The following CR1 variants were observed in gnomAD, a reference collection of about 807,000 sequenced individuals.
CR1 encodes complement receptor type 1.
In CR1, 116 loss-of-function variants were observed where a neutral mutation model predicts 187.3. That is an observed-to-expected ratio of 0.62 (90% CI 0.53 to 0.72). The LOEUF is 0.72. Among genes scored for constraint, CR1 ranks in the 30% least tolerant of loss-of-function variants. CR1 has a pLI of 0.00. For missense variants in CR1, 1,731 were observed against 2,110.7 expected (o/e 0.82, Z 3.52); for synonymous variants, 576 against 747.1 (o/e 0.77, Z 3.73).
intron 46 of CR1, 45 bp downstream of exon 46, chr1:207,630,666 A>G (rs1662613563): frequency 7.5e-7 from 1 of 1,341,320 alleles, no homozygotes; most frequent in Non-Finnish European, 1.0e-6. Flanking sequence ...AACAACTCAA[A>G]TATCAAAAAT....
chr1:207,506,575 C>G (rs1659439594), intron 2 of CR1, 139 bp from the exon 3 acceptor site: 1 of 712,286 alleles, frequency 1.4e-6, no homozygotes, highest in Middle Eastern at 2.9e-4. Context: ...TGGTGAGTTT[C>G]CTCAAGGTAG....
intron 45 of CR1, among the ~76,000 whole-genome samples, chr1:207,623,698 A>G (rs1267920008): frequency 6.6e-6 from 1 of 151,882 alleles, no homozygotes; most frequent in African/African-American, 2.4e-5. Context: ...GGGTTTTTAA[A>G]TAGTTGTTCA....
At chr1:207,596,300 A>G (rs1212583952) in intron 35 of CR1, among the ~76,000 whole-genome samples, 1 of 152,054 alleles carries the variant, frequency 6.6e-6, no homozygotes, top group East Asian at 1.9e-4. Context: ...CATTGGTAAA[A>G]TCACTTTGAG....
chr1:207,516,056 A>G (rs928408076), intron 4 of CR1, among the ~76,000 whole-genome samples: 2 of 152,162 alleles, frequency 1.3e-5, no homozygotes, highest in Non-Finnish European at 2.9e-5. Flanking sequence ...CTCTACAAAA[A>G]AAATAAATAT....
chr1:207,508,126 T>G (rs1428842030), intron 3 of CR1, among the ~76,000 whole-genome samples: 1 of 152,190 alleles, frequency 6.6e-6, no homozygotes, highest in Non-Finnish European at 1.5e-5. Flanking sequence ...TATCAGTGGT[T>G]GTCAGGGGTT....
intron 42 of CR1, among the ~76,000 whole-genome samples, chr1:207,618,897 TG>T (rs1662225074): frequency 6.7e-6 from 1 of 148,520 alleles, no homozygotes; most frequent in African/African-American, 2.5e-5. Flanking sequence ...AAAAATTAGC[TG>T]GGTGGTGGTG....
In CR1 at chr1:207,584,653, C is replaced by T; in HGVS notation, c.5307C>T (p.Ile1769=). The part of the protein sequence containing the change: ...WNNSVPVCEH[I]FCPNPPAILN... ...GAGCTCTTGTTTTCTTTCTAGATAT[C>T]TTTTGTCCAAATCCTCCAGCTATCC... Residue 1769 remains isoleucine, a synonymous_variant, in exon 33 of 47, where the codon ATC becomes ATT. Coordinates refer to ENST00000367049, the MANE Select transcript of CR1 (RefSeq NM_000651.6). 2 of 1,613,244 alleles carry T rather than the reference C, an allele frequency of 1.2e-6. No individual in the cohort carries two copies. Among genetic ancestry groups the T allele is most frequent in the Non-Finnish European group, 1.7e-6 (2 of 1,179,422 alleles).
intron 5 of CR1, among the ~76,000 whole-genome samples, chr1:207,525,922 GA>G (rs1558228841): frequency 6.6e-6 from 1 of 152,020 alleles, no homozygotes; most frequent in East Asian, 1.9e-4. Context: ...CTGAAGTCCA[GA>G]AAAGGGAACT....
chr1:207,618,255 A>T lies in CR1; in HGVS notation c.7066+8A>T. 6.2e-7 allele frequency: 1 copy of T among 1,612,126 alleles called. No individual in the cohort carries two copies. The highest frequency in any genetic ancestry group is 1.1e-5 in the South Asian group (1 of 90,818). On this transcript the variant is annotated splice_region_variant and intron_variant, in intron 42 of 46. Transcript: ENST00000367049. ...TGGATCATTATTGCAAAGGTGACTT[A>T]TTTCTTGGTATTCCTTATTCTTGCT...
chr1:207,510,562 G>A (rs770039966), intron 3 of CR1, among the ~76,000 whole-genome samples: 4 of 152,102 alleles, frequency 2.6e-5, no homozygotes, highest in African/African-American at 4.8e-5. Context: ...AGAGTCTAAC[G>A]TGAAGTAAAA....
intron 4 of CR1, among the ~76,000 whole-genome samples, chr1:207,522,749 ATTT>A (rs1159874957): frequency 1.3e-5 from 2 of 151,956 alleles, no homozygotes; most frequent in African/African-American, 2.4e-5. Context: ...AGCCTGAAAA[ATTT>A]TTATTTTTAA....
intron 4 of CR1, among the ~76,000 whole-genome samples, chr1:207,513,044 T>A (rs147409899): frequency 1.3e-5 from 2 of 152,328 alleles, no homozygotes; most frequent in African/African-American, 4.8e-5. Context: ...AGTCTAGGAA[T>A]TGTTGATGAA....
chr1:207,637,793 C>T (rs1437799846), intron 46 of CR1, among the ~76,000 whole-genome samples: 2 of 152,156 alleles, frequency 1.3e-5, no homozygotes, highest in Admixed American at 6.5e-5. Context: ...TCCATCTCCG[C>T]GGTGGCGCTT....
intron 4 of CR1, among the ~76,000 whole-genome samples, chr1:207,517,957 T>A (rs1659854209): frequency 6.6e-6 from 1 of 152,146 alleles, no homozygotes; most frequent in Non-Finnish European, 1.5e-5. Context: ...TTTAACTTTC[T>A]TGTTTTTTCT....
chr1:207,592,623 G>C (rs573158946), intron 35 of CR1, among the ~76,000 whole-genome samples: 45 of 152,184 alleles, frequency 3.0e-4, no homozygotes, highest in East Asian at 1.7e-3. Flanking sequence ...AGGAATAAAG[G>C]GTATTCAAAT....
At chr1:207,632,797 CAAAAAAAAAA>C (rs55649027) in intron 46 of CR1, among the ~76,000 whole-genome samples, 13 of 107,636 alleles carry the variant, frequency 1.2e-4, no homozygotes, top group African/African-American at 4.0e-4. Context: ...GACTCCGTCT[CAAAAAAAAAA>C]AAAAAAAAAA....
At chr1:207,624,029 G>A (rs1469812592) in intron 45 of CR1, among the ~76,000 whole-genome samples, 2 of 143,066 alleles carry the variant, frequency 1.4e-5, no homozygotes, top group African/African-American at 5.2e-5. Flanking sequence ...AGATTCAAGC[G>A]ATTCTCATGC....
At chr1:207,582,053 A>G in intron 32 of CR1, 50 bp downstream of exon 32, 1 of 1,388,256 alleles carries the variant, frequency 7.2e-7, no homozygotes, top group African/African-American at 1.4e-5. Context: ...TTTTTTTCTT[A>G]ATATAGTTTG....
intron 28 of CR1, among the ~76,000 whole-genome samples, chr1:207,577,472 T>A (rs1660787878): frequency 6.6e-6 from 1 of 152,128 alleles, no homozygotes; most frequent in South Asian, 2.1e-4. Flanking sequence ...CAATAAAGTA[T>A]AATTATTAGA....
Sources: gnomAD v4.1 joint callset for allele counts (sites outside exome capture counted in the v4.1 genomes callset) on GRCh38, gnomAD v4.1.1 for gene constraint, MANE v1.5 for transcripts, NCBI Gene and HGNC (gene_info 2026-07-23, HGNC 2026-07-21) for gene names.